GABRG3: variants seen among roughly 807,000 people sequenced by gnomAD.
GABRG3 encodes the protein gamma-aminobutyric acid receptor subunit gamma-3.
GABRG3 carries 25 observed loss-of-function variants against 48.8 expected under a neutral mutation model. That is an observed-to-expected ratio of 0.51 (90% CI 0.37 to 0.72). The LOEUF is 0.72. GABRG3 is among the 30% of genes least tolerant of loss of function. GABRG3 has a pLI of 0.00. For missense variants in GABRG3, 394 were observed against 577.9 expected (o/e 0.68, Z 3.26); for synonymous variants, 227 against 217.6 (o/e 1.04, Z -0.38).
intron 2 of GABRG3, among the ~76,000 whole-genome samples, chr15:27,003,664 TC>T (rs1895505376): frequency 6.6e-6 from 1 of 152,210 alleles, no homozygotes; most frequent in Non-Finnish European, 1.5e-5. Context: ...CTCAATCTTT[TC>T]CCCACCTTTC....
intron 3 of GABRG3, among the ~76,000 whole-genome samples, chr15:27,146,026 A>C (rs1898202287): frequency 6.6e-6 from 1 of 152,180 alleles, no homozygotes; most frequent in Non-Finnish European, 1.5e-5. Flanking sequence ...TCCTTCAAAA[A>C]TGAAGAAGTT....
rs1897594327 is a variant in GABRG3, at chr15:27,113,741, A to G, written c.270+86920A>G. On this transcript the variant is annotated intron_variant, in intron 3 of 9. Coordinates refer to ENST00000615808, the MANE Select transcript of GABRG3 (RefSeq NM_033223.5). Reference sequence around the variant, plus strand: ...TTACCAAAAATTTAAAATCTGACCTAGAACATAGTCTCCTAGATGACTGAA... The same window carrying G: ...TTACCAAAAATTTAAAATCTGACCTGGAACATAGTCTCCTAGATGACTGAA... Among the ~76,000 whole-genome samples, 3 of 151,978 alleles carry G rather than the reference A, an allele frequency of 2.0e-5. No homozygotes were observed. The South Asian group carries it at 6.2e-4, about 31-fold the overall frequency.
intron 3 of GABRG3, among the ~76,000 whole-genome samples, chr15:27,074,058 G>A (rs1174922066): frequency 6.6e-6 from 1 of 152,162 alleles, no homozygotes; most frequent in Non-Finnish European, 1.5e-5. Flanking sequence ...ATGGCAGCAG[G>A]CAAAGAGAGA....
In GABRG3 at chr15:27,216,750, T is replaced by TATTTATTTATTTATTTA. The variant is rs58685578; in HGVS notation, c.271-110059_271-110058insATTTATTTATTTATTTA. On this transcript the variant is annotated intron_variant, in intron 3 of 9. Transcript: ENST00000615808. ...ATTCATTTCTTTTTTTTTTTTTATT[T>TATTTATTTATTTATTTA]TTTATTTATTTATTTATTTATTTTT... Among the ~76,000 whole-genome samples the TATTTATTTATTTATTTA allele has an allele frequency of 1.7e-3, 208 of 125,842 alleles. 1 individual carries two copies. The highest frequency in any genetic ancestry group is 8.2e-3 in the Middle Eastern group (2 of 244). The allele number at this position is 125,842 out of a possible 152,430, so 82.6% of individuals were successfully genotyped here.
chr15:27,477,586 G>C (rs1889977152), intron 5 of GABRG3, among the ~76,000 whole-genome samples: 1 of 152,110 alleles, frequency 6.6e-6, no homozygotes, highest in Admixed American at 6.5e-5. Context: ...TAGTAATAAC[G>C]ACATGATTAA....
intron 5 of GABRG3, among the ~76,000 whole-genome samples, chr15:27,409,223 A>G (rs1346538784): frequency 6.6e-6 from 1 of 152,100 alleles, no homozygotes. Flanking sequence ...GTTTTTCCAA[A>G]ATAGTTATAG....
At chr15:27,039,473 T>C (rs1287161257) in intron 3 of GABRG3, among the ~76,000 whole-genome samples, 8 of 152,092 alleles carry the variant, frequency 5.3e-5, no homozygotes, top group Non-Finnish European at 1.5e-5. Flanking sequence ...TGGCCTTAGG[T>C]CCCTGCATGC....
chr15:27,161,925 A>C (rs1887205486), intron 3 of GABRG3, among the ~76,000 whole-genome samples: 2 of 152,220 alleles, frequency 1.3e-5, no homozygotes, highest in African/African-American at 4.8e-5. Flanking sequence ...ACCAAATGAC[A>C]GGCTCTTCAA....
At chr15:27,086,735 T>G (rs1460700152) in intron 3 of GABRG3, among the ~76,000 whole-genome samples, 1 of 152,228 alleles carries the variant, frequency 6.6e-6, no homozygotes, top group African/African-American at 2.4e-5. Flanking sequence ...GATTTGCTGA[T>G]TTATTTCTGT....
intron 5 of GABRG3, among the ~76,000 whole-genome samples, chr15:27,347,413 C>T (rs1894411601): frequency 6.6e-6 from 1 of 152,132 alleles, no homozygotes; most frequent in African/African-American, 2.4e-5. Flanking sequence ...ACTCCTTTTC[C>T]CTTTCCCAGC....
At chr15:27,378,935 A>G (rs964069217) in intron 5 of GABRG3, among the ~76,000 whole-genome samples, 2 of 122,020 alleles carry the variant, frequency 1.6e-5, no homozygotes, top group Non-Finnish European at 3.3e-5. Context: ...AGAACAAATC[A>G]TGTTGTATGT....
At chr15:26,992,782 G>T (rs959507348) in intron 2 of GABRG3, among the ~76,000 whole-genome samples, 1 of 152,006 alleles carries the variant, frequency 6.6e-6, no homozygotes, top group Non-Finnish European at 1.5e-5. Context: ...GTTTGAGTAG[G>T]ATTGCTATTA....
At chr15:27,253,184 TAAG>T (rs1890514613) in intron 3 of GABRG3, among the ~76,000 whole-genome samples, 1 of 152,196 alleles carries the variant, frequency 6.6e-6, no homozygotes, top group African/African-American at 2.4e-5. Flanking sequence ...AGGGACTCCC[TAAG>T]AAGGCACCGC....
chr15:26,998,733 G>C (rs924790829), intron 2 of GABRG3, among the ~76,000 whole-genome samples: 3 of 152,124 alleles, frequency 2.0e-5, no homozygotes, highest in African/African-American at 7.2e-5. Flanking sequence ...AGAGAAATGG[G>C]AGGCTTTGCT....
At chr15:27,274,748 C>T (rs1891199985) in intron 3 of GABRG3, among the ~76,000 whole-genome samples, 1 of 152,200 alleles carries the variant, frequency 6.6e-6, no homozygotes. Flanking sequence ...TTATATAACA[C>T]AGACATTATA....
chr15:27,518,033 C>T (rs1372641542), intron 6 of GABRG3, among the ~76,000 whole-genome samples: 1 of 151,996 alleles, frequency 6.6e-6, no homozygotes, highest in Non-Finnish European at 1.5e-5. Context: ...CCAATACCAT[C>T]TCCCTGTCAA....
rs143371091 is a variant in GABRG3 at position 27,499,343 on chromosome 15, C to T, written c.712+18556C>T. Among the ~76,000 whole-genome samples the T allele has an allele frequency of 1.2e-4, 19 of 152,228 alleles. No homozygotes were observed. In the East Asian group the frequency reaches 3.5e-3, roughly 28 times the overall value. On this transcript the variant is annotated intron_variant, in intron 6 of 9. Transcript: ENST00000615808. ...GCATGGGGAGATTGGCCTCCTGACGCCCTCCTGTCCATTCAGATCTCCCAT... is the reference window on the plus strand; with the variant it reads ...GCATGGGGAGATTGGCCTCCTGACGTCCTCCTGTCCATTCAGATCTCCCAT...
At chr15:27,026,653 A>G in intron 2 of GABRG3, 101 bp from the exon 3 acceptor site, 1 of 654,166 alleles carries the variant, frequency 1.5e-6, no homozygotes, top group Non-Finnish European at 2.5e-6. Flanking sequence ...TGTTTCCACC[A>G]TGTCCTTGTG....
chr15:27,302,636 C>A (rs1244522816), intron 3 of GABRG3, among the ~76,000 whole-genome samples: 5 of 151,900 alleles, frequency 3.3e-5, no homozygotes, highest in Non-Finnish European at 7.4e-5. Flanking sequence ...ATGAACCAAC[C>A]AGATTTAACT....
Sources: allele counts gnomAD v4.1 joint callset (sites outside exome capture counted in the v4.1 genomes callset), GRCh38; gene constraint gnomAD v4.1.1; transcripts MANE v1.5; gene names NCBI Gene and HGNC (gene_info 2026-07-23, HGNC 2026-07-21).